Variants in PMFBP1 observed in about 807,000 individuals in gnomAD.
PMFBP1 encodes polyamine-modulated factor 1-binding protein 1.
In PMFBP1, 131 loss-of-function variants were observed where a neutral mutation model predicts 137.8. The observed-to-expected ratio is 0.95, with a 90% confidence interval of 0.82 to 1.10. The LOEUF (loss-of-function observed/expected upper bound fraction) is 1.10. PMFBP1 is among the 50% of genes least tolerant of loss of function. The pLI, the probability that PMFBP1 is intolerant of heterozygous loss-of-function variation, is 0.00. For missense variants in PMFBP1, 1,199 were observed against 1,175.4 expected, an observed-to-expected ratio of 1.02 and a Z score of -0.29; for synonymous variants, 490 against 450.4, an observed-to-expected ratio of 1.09 and a Z score of -1.11.
rs1040397053 is a variant in PMFBP1 at position 72,125,425 on chromosome 16, G to A, written c.2254-20C>T. 3 of 1,605,724 alleles carry A rather than the reference G, an allele frequency of 1.9e-6. No individual in the cohort carries two copies. The highest frequency in any genetic ancestry group is 1.7e-5 in the Admixed American group (1 of 57,824). On this transcript the variant is annotated intron_variant, in intron 15 of 20. Coordinates refer to ENST00000237353, the MANE Select transcript of PMFBP1 (RefSeq NM_031293.3). ...ATTGAGCTTCCGGAAAAGACAAAGA[G>A]GACGAATGGCTGTCAGAGACTTTGA...
At chr16:72,166,914 G>T (rs887518622) in intron 2 of PMFBP1, among the ~76,000 whole-genome samples, 5 of 152,210 alleles carry the variant, frequency 3.3e-5, no homozygotes, top group Admixed American at 3.3e-4. Flanking sequence ...CAGGGGATAG[G>T]TGCATGGAAA....
At chr16:72,187,791 G>A in the PMFBP1 span, among the ~76,000 whole-genome samples, 6 of 152,328 alleles carry the variant, frequency 3.9e-5, no homozygotes, top group East Asian at 3.9e-4. Flanking sequence ...TAATGCTACC[G>A]GGTTAGCATG....
chr16:72,128,622 A>C, intron 14 of PMFBP1, 35 bp downstream of exon 14: 1 of 1,613,904 alleles, frequency 6.2e-7, no homozygotes, highest in Non-Finnish European at 8.5e-7. Context: ...ACAGGGTTCA[A>C]ATTCCTCACT....
At chr16:72,224,894 C>T in the PMFBP1 span, 1 of 152,214 alleles carries the variant, frequency 6.6e-6, no homozygotes, top group Non-Finnish European at 1.5e-5. Context: ...TTGTATCCCA[C>T]ACAGAATTTG....
At chr16:72,218,628 G>A in the PMFBP1 span, among the ~76,000 whole-genome samples, 3 of 152,126 alleles carry the variant, frequency 2.0e-5, no homozygotes, top group Non-Finnish European at 4.4e-5. Flanking sequence ...CAAGTTGAAA[G>A]GCTCTTTAAA....
the PMFBP1 span, among the ~76,000 whole-genome samples, chr16:72,219,520 G>T: frequency 1.3e-5 from 2 of 151,040 alleles, no homozygotes; most frequent in African/African-American, 4.9e-5. Flanking sequence ...GAAGACTGAT[G>T]TCTGGTGCCT....
chr16:72,179,019 T>C (rs980159229), upstream of PMFBP1, among the ~76,000 whole-genome samples: 4 of 152,242 alleles, frequency 2.6e-5, no homozygotes, highest in African/African-American at 9.6e-5. Flanking sequence ...GCTGGCACTA[T>C]GCAACAAGAC....
intron 4 of PMFBP1, among the ~76,000 whole-genome samples, chr16:72,152,433 C>T (rs1379994733): frequency 6.6e-6 from 1 of 152,106 alleles, no homozygotes; most frequent in Non-Finnish European, 1.5e-5. Flanking sequence ...TAATTCTGGC[C>T]AGGGATATTT....
the PMFBP1 span, among the ~76,000 whole-genome samples, chr16:72,200,946 G>C: frequency 2.0e-5 from 3 of 152,172 alleles, no homozygotes; most frequent in African/African-American, 4.8e-5. Flanking sequence ...CATCCATAGG[G>C]ACCTGGCCGT....
chr16:72,195,192 C>A, the PMFBP1 span, among the ~76,000 whole-genome samples: 1 of 152,186 alleles, frequency 6.6e-6, no homozygotes, highest in Non-Finnish European at 1.5e-5. Context: ...CCAGGGCCCA[C>A]GTTTTCTGGC....
In PMFBP1 at chr16:72,125,348, C is replaced by A; in HGVS notation, c.2311G>T (p.Glu771Ter). ...TCCTCTTCCAGCTGAGCTTTCTTCT[C>A]TTGGGTCTGTGTCAAGCTTTGCTGC... ...SLQQSLTQTQ[E>*]KKAQLEEEII... Residue 771 changes from glutamate to a stop codon, truncating the protein, a stop_gained, in exon 16 of 21, where the codon GAG becomes TAG. Transcript: ENST00000237353. LOFTEE classifies it high-confidence loss of function. 6.2e-7 allele frequency: 1 copy of A among 1,614,192 alleles called. No individual in the cohort carries two copies. The highest frequency in any genetic ancestry group is 8.5e-7 in the Non-Finnish European group (1 of 1,180,030).
chr16:72,203,400 T>C, the PMFBP1 span, among the ~76,000 whole-genome samples: 3 of 152,366 alleles, frequency 2.0e-5, no homozygotes, highest in Non-Finnish European at 4.4e-5. Context: ...TTCCTTCCTA[T>C]ACTTTGGAGT....
chr16:72,157,079 C>T (rs1277049348), intron 3 of PMFBP1, among the ~76,000 whole-genome samples: 1 of 149,028 alleles, frequency 6.7e-6, no homozygotes, highest in East Asian at 2.0e-4. Flanking sequence ...GTCCCAGCTA[C>T]TCAGGAGGTT....
the PMFBP1 span, among the ~76,000 whole-genome samples, chr16:72,245,900 C>T: frequency 3.3e-5 from 5 of 152,326 alleles, no homozygotes; most frequent in South Asian, 1.0e-3. Flanking sequence ...TGCTCCAGCA[C>T]CAGTGCTTGA....
At chr16:72,238,294 A>G in the PMFBP1 span, among the ~76,000 whole-genome samples, 1 of 152,152 alleles carries the variant, frequency 6.6e-6, no homozygotes, top group Non-Finnish European at 1.5e-5. Flanking sequence ...CTTTTTCTCC[A>G]CAACCTTGCC....
chr16:72,208,390 G>C, the PMFBP1 span, among the ~76,000 whole-genome samples: 1 of 152,186 alleles, frequency 6.6e-6, no homozygotes, highest in South Asian at 2.1e-4. Context: ...TTCTTTACAT[G>C]ATAAAAGAGA....
chr16:72,119,488 C>T (rs1721773227), intron 20 of PMFBP1, 134 bp from the exon 21 acceptor site: 12 of 1,557,386 alleles, frequency 7.7e-6, no homozygotes, highest in Non-Finnish European at 1.0e-5. Flanking sequence ...ATGGAGTTTA[C>T]AGGTGGCAGG....
At chr16:72,183,064 G>T in the PMFBP1 span, among the ~76,000 whole-genome samples, 1 of 152,128 alleles carries the variant, frequency 6.6e-6, no homozygotes, top group South Asian at 2.1e-4. Context: ...TCTCTCCCCT[G>T]GCCCCTGAGG....
At chr16:72,165,580 G>A (rs566349235) in intron 2 of PMFBP1, among the ~76,000 whole-genome samples, 265 of 152,044 alleles carry the variant, frequency 1.7e-3, no homozygotes, top group African/African-American at 6.1e-3. Context: ...CACCATGCCC[G>A]GCTAATTTTT....
Sources: allele counts gnomAD v4.1 joint callset (sites outside exome capture counted in the v4.1 genomes callset), GRCh38; gene constraint gnomAD v4.1.1; transcripts MANE v1.5; gene names NCBI Gene and HGNC (gene_info 2026-07-23, HGNC 2026-07-21).